The following KCNIP4 variants were observed in gnomAD, a reference collection of about 807,000 sequenced individuals.
KCNIP4 encodes potassium voltage-gated channel interacting protein 4, also known as Kv channel-interacting protein 4.
A neutral mutation model predicts 34.0 loss-of-function variants in KCNIP4; 12 were observed. The observed-to-expected ratio is 0.35, with a 90% CI of 0.23 to 0.57. The LOEUF (loss-of-function observed/expected upper bound fraction) is 0.57. KCNIP4 is among the 20% of genes least tolerant of loss of function. The pLI, the probability that KCNIP4 is intolerant of heterozygous loss-of-function variation, is 0.83. For synonymous variants in KCNIP4, 124 were observed against 102.2 expected, an observed-to-expected ratio of 1.21 and a Z score of -1.29; for missense variants, 238 against 311.7, an observed-to-expected ratio of 0.76 and a Z score of 1.78.
At chr4:21,022,843 G>A (rs1036168509) in intron 1 of KCNIP4, among the ~76,000 whole-genome samples, 3 of 151,774 alleles carry the variant, frequency 2.0e-5, no homozygotes, top group African/African-American at 7.3e-5. Context: ...TTTGTTCTTT[G>A]GAGATGGAGT....
chr4:21,061,783 T>C (rs1743944194), intron 1 of KCNIP4, among the ~76,000 whole-genome samples: 1 of 152,192 alleles, frequency 6.6e-6, no homozygotes, highest in Non-Finnish European at 1.5e-5. Context: ...AGAATGTGAC[T>C]GTATTTGGAA....
chr4:20,821,147 T>C (rs1474908207), intron 3 of KCNIP4, among the ~76,000 whole-genome samples: 1 of 152,204 alleles, frequency 6.6e-6, no homozygotes, highest in African/African-American at 2.4e-5. Context: ...TGGACGGGTC[T>C]TCCCTGGGTT....
At chr4:21,449,837 C>A (rs960717265) in intron 1 of KCNIP4, among the ~76,000 whole-genome samples, 3 of 151,898 alleles carry the variant, frequency 2.0e-5, no homozygotes, top group African/African-American at 4.8e-5. Context: ...ATTTTCCTTA[C>A]GTATATCCTC....
chr4:21,892,535 GC>G (rs1727158435), intron 1 of KCNIP4, among the ~76,000 whole-genome samples: 1 of 85,628 alleles, frequency 1.2e-5, no homozygotes, highest in South Asian at 4.3e-4. Flanking sequence ...AAAAAAAAAA[GC>G]AAAAGCAAAA....
intron 1 of KCNIP4, among the ~76,000 whole-genome samples, chr4:21,772,223 G>A (rs2874959): frequency 0.15 from 22,534 of 151,978 alleles, 5,615 homozygotes; most frequent in African/African-American, 0.51. Flanking sequence ...GATGGATGAC[G>A]TTTATTGATT....
At position 21,209,868 on chromosome 4, in the gene KCNIP4, G is replaced by T. The variant is rs577034591; in HGVS notation, c.62-327159C>A. 3.9e-5 allele frequency among the ~76,000 whole-genome samples: 6 copies of T among 152,218 alleles called. 1 individual carries two copies. The South Asian group carries it at 1.2e-3, about 32-fold the overall frequency. On this transcript the variant is annotated intron_variant, in intron 1 of 8. Transcript: ENST00000382152. The stretch of plus-strand genomic sequence containing the variant: ...TCGTCATTAGTAAATCAAATTTTAA[G>T]TACAAAGATCATTTAATTTTTAAAA...
intron 3 of KCNIP4, among the ~76,000 whole-genome samples, chr4:20,808,658 C>T (rs1715371149): frequency 6.6e-6 from 1 of 152,138 alleles, no homozygotes; most frequent in Admixed American, 6.5e-5. Context: ...CCTCTTGTGT[C>T]CTGGGAAACC....
intron 3 of KCNIP4, among the ~76,000 whole-genome samples, chr4:20,768,482 G>T (rs1462112883): frequency 2.6e-5 from 4 of 152,084 alleles, no homozygotes; most frequent in Admixed American, 2.6e-4. Flanking sequence ...AAAAATTATA[G>T]GATTAACCTT....
intron 1 of KCNIP4, among the ~76,000 whole-genome samples, chr4:21,479,820 A>G (rs975795540): frequency 1.6e-4 from 24 of 151,998 alleles, no homozygotes; most frequent in Non-Finnish European, 2.6e-4. Flanking sequence ...AATATACAAT[A>G]AAACTCAGAA....
chr4:21,485,370 T>A (rs1005881111), intron 1 of KCNIP4, among the ~76,000 whole-genome samples: 2 of 152,256 alleles, frequency 1.3e-5, no homozygotes, highest in East Asian at 3.9e-4. Context: ...CTGGCTCTTG[T>A]CTATGTCTCT....
chr4:21,388,850 T>C (rs1251777047), intron 1 of KCNIP4, among the ~76,000 whole-genome samples: 1 of 152,204 alleles, frequency 6.6e-6, no homozygotes, highest in Non-Finnish European at 1.5e-5. Context: ...TATTGCTGAA[T>C]AATATTTCAT....
chr4:21,461,295 G>A (rs553250901), intron 1 of KCNIP4, among the ~76,000 whole-genome samples: 120 of 152,050 alleles, frequency 7.9e-4, no homozygotes, highest in Middle Eastern at 6.8e-3. Context: ...TAAGTTTCCT[G>A]AGGCCTCCCC....
chr4:21,105,371 A>T (rs538323597), intron 1 of KCNIP4, among the ~76,000 whole-genome samples: 8 of 151,576 alleles, frequency 5.3e-5, no homozygotes, highest in African/African-American at 1.7e-4. Flanking sequence ...GTGAATGGGA[A>T]TTCACTCAGG....
At chr4:20,826,108 T>G (rs1717723488) in intron 3 of KCNIP4, among the ~76,000 whole-genome samples, 1 of 151,946 alleles carries the variant, frequency 6.6e-6, no homozygotes, top group Non-Finnish European at 1.5e-5. Context: ...GATGTGGAAA[T>G]TGCAAGACCT....
intron 1 of KCNIP4, among the ~76,000 whole-genome samples, chr4:21,653,085 A>G (rs1747637138): frequency 6.6e-6 from 1 of 152,218 alleles, no homozygotes; most frequent in Middle Eastern, 3.2e-3. Flanking sequence ...CCACAAATTC[A>G]TTATGCACCT....
In KCNIP4 at chr4:21,757,748, G is replaced by A. The variant is rs1577949673; in HGVS notation, c.61+190823C>T. ...CCCAATCTATGACCCCATTCAATAA[G>A]TGTTCATTGAATTTAAATCTTGTCT... On this transcript the variant is annotated intron_variant, in intron 1 of 8. Transcript: ENST00000382152. Among the ~76,000 whole-genome samples the A allele has an allele frequency of 2.6e-5, 4 of 152,292 alleles. 1 individual carries two copies. The highest frequency in any genetic ancestry group is 2.6e-4 in the Admixed American group (4 of 15,298).
chr4:21,339,959 T>G (rs927961057), intron 1 of KCNIP4, among the ~76,000 whole-genome samples: 12 of 152,160 alleles, frequency 7.9e-5, no homozygotes, highest in African/African-American at 2.9e-4. Context: ...CTCAGTTATT[T>G]TGCACATGTC....
At chr4:21,911,508 CTTTTTTTTT>C (rs67157154) in intron 1 of KCNIP4, among the ~76,000 whole-genome samples, 2 of 37,116 alleles carry the variant, frequency 5.4e-5, no homozygotes, top group African/African-American at 1.5e-4. Context: ...AGGCGCTTGA[CTTTTTTTTT>C]TTTTTTTTTT....
chr4:21,190,290 T>C (rs994980688), intron 1 of KCNIP4, among the ~76,000 whole-genome samples: 2 of 152,212 alleles, frequency 1.3e-5, no homozygotes, highest in African/African-American at 4.8e-5. Context: ...CCTAATGTTT[T>C]GGTTCGTTAG....
Sources: gnomAD v4.1 joint callset for allele counts (sites outside exome capture counted in the v4.1 genomes callset) on GRCh38, gnomAD v4.1.1 for gene constraint, MANE v1.5 for transcripts, NCBI Gene and HGNC (gene_info 2026-07-23, HGNC 2026-07-21) for gene names.